Variants in CABYR observed in about 807,000 individuals in gnomAD.
CABYR encodes the protein calcium-binding tyrosine phosphorylation-regulated protein.
Under a neutral mutation model 36.1 loss-of-function variants are expected in CABYR, and 31 were observed. That is an observed-to-expected ratio of 0.86 (90% confidence interval 0.64 to 1.16). The LOEUF is 1.16. CABYR is among the 50% of genes most tolerant of loss of function. CABYR has a pLI of 0.00. For synonymous variants in CABYR, 146 were observed against 160.7 expected (o/e 0.91, Z 0.69); for missense variants, 429 against 455.8 (o/e 0.94, Z 0.53).
chr18:24,161,523 A>G lies in CABYR; in HGVS notation c.*7A>G, dbSNP rs774223134. 1.3e-6 allele frequency: 1 copy of G among 780,694 alleles called. No homozygotes were observed. The highest frequency in any genetic ancestry group is 2.4e-6 in the Non-Finnish European group (1 of 417,986). The allele number at this position is 780,694 out of a possible 1,614,324, so 48.4% of individuals were successfully genotyped here. A position where few individuals can be genotyped will look rare whatever the true frequency, so the allele number is the denominator to read the frequency against. ...TTGCATTATTCCTAACAGATCCAGA[A>G]ATGACGCTGTCTGGGTCAACATTTC... On this transcript the variant is annotated 3_prime_UTR_variant, in exon 6 of 6. Coordinates refer to ENST00000399496, the MANE Select transcript of CABYR (RefSeq NM_153769.3).
chr18:24,151,687 CTTT>C (rs35513415), intron 3 of CABYR, among the ~76,000 whole-genome samples: 4 of 123,936 alleles, frequency 3.2e-5, no homozygotes, highest in Non-Finnish European at 4.8e-5. Flanking sequence ...CTAGTGTTGG[CTTT>C]TTTTTTTTTT....
intron 3 of CABYR, 76 bp downstream of exon 3, chr18:24,143,489 C>T (rs998552118): frequency 2.8e-6 from 2 of 710,790 alleles, no homozygotes; most frequent in Non-Finnish European, 4.4e-6. Context: ...TATATTCAAA[C>T]TTAAGAATGG....
At chr18:24,143,663 G>T (rs1217824972) in intron 3 of CABYR, among the ~76,000 whole-genome samples, 1 of 151,400 alleles carries the variant, frequency 6.6e-6, no homozygotes, top group Admixed American at 6.6e-5. Flanking sequence ...CTCCCAAGTA[G>T]CTTGGACTGC....
At chr18:24,158,683 A>G (rs964902558) in intron 4 of CABYR, among the ~76,000 whole-genome samples, 2 of 152,196 alleles carry the variant, frequency 1.3e-5, no homozygotes, top group Non-Finnish European at 1.5e-5. Flanking sequence ...CCCAGCGTTC[A>G]AAAGGTAAAC....
chr18:24,160,077 C>G lies in CABYR; in HGVS notation c.1139+8C>G, dbSNP rs772646073. On this transcript the variant is annotated splice_region_variant and intron_variant, in intron 5 of 5. Coordinates refer to ENST00000399496, the MANE Select transcript of CABYR (RefSeq NM_153769.3). ...AGCAGAAACTGAAAACTGGTAGGTACACTTTCCTACCATAATATTTAGGCC... is the reference window on the plus strand; with the variant it reads ...AGCAGAAACTGAAAACTGGTAGGTAGACTTTCCTACCATAATATTTAGGCC... 2 of 1,566,476 alleles carry G rather than the reference C, an allele frequency of 1.3e-6. No homozygotes were observed. Among genetic ancestry groups the G allele is most frequent in the Non-Finnish European group, 1.8e-6 (2 of 1,142,324 alleles).
intron 1 of CABYR, among the ~76,000 whole-genome samples, chr18:24,142,804 G>A (rs923140405): frequency 2.6e-5 from 4 of 151,708 alleles, no homozygotes; most frequent in African/African-American, 7.3e-5. Context: ...AGGCCGAGGC[G>A]GGCAGATCAT....
Position 24,143,381 on chromosome 18 carries a change from A to G in CABYR, c.167A>G (p.Lys56Arg). The G allele has an allele frequency of 6.3e-7, 1 of 1,579,510 alleles. No individual in the cohort carries two copies. Residue 56 changes from lysine to arginine, a missense_variant, in exon 3 of 6, where the codon AAA (lysine) becomes AGA (arginine). Physicochemically the swap from Lys to Arg is conservative, Grantham distance 26. Transcript: ENST00000399496. ...TCAGGGAATACTACTATGGATATAA[A>G]AGATCTGGTTAAACAATTTCATCAG... ...MYRGNTTMDI[K>R]DLVKQFHQIK... is the part of the protein sequence containing the mutation.
intron 5 of CABYR, 74 bp downstream of exon 5, chr18:24,160,143 G>A: frequency 9.6e-7 from 1 of 1,036,824 alleles, no homozygotes. Flanking sequence ...TTCTTGACCT[G>A]GAGATTTAGA....
At chr18:24,159,227 A>C (rs2085881151) in intron 4 of CABYR, among the ~76,000 whole-genome samples, 1 of 152,164 alleles carries the variant, frequency 6.6e-6, no homozygotes, top group South Asian at 2.1e-4. Flanking sequence ...TTAGAATAAG[A>C]TTGCTTCTTC....
At chr18:24,150,792 T>G (rs911623067) in intron 3 of CABYR, among the ~76,000 whole-genome samples, 49 of 148,142 alleles carry the variant, frequency 3.3e-4, no homozygotes, top group African/African-American at 5.9e-4. Context: ...TGTTTTTTTT[T>G]TTTTTTGAGA....
chr18:24,139,540 G>C (rs1346904049), intron 1 of CABYR: 1 of 152,338 alleles, frequency 6.6e-6, no homozygotes, highest in African/African-American at 2.4e-5. Context: ...TCTCGCTTAA[G>C]GCGTTACCCT....
intron 3 of CABYR, among the ~76,000 whole-genome samples, chr18:24,151,186 A>T (rs2085622663): frequency 6.6e-6 from 1 of 152,132 alleles, no homozygotes; most frequent in African/African-American, 2.4e-5. Context: ...AAAAAATACC[A>T]TATGCTTGGA....
chr18:24,156,261 G>A, intron 4 of CABYR: 1 of 1,614,078 alleles, frequency 6.2e-7, no homozygotes, highest in Non-Finnish European at 8.5e-7. Flanking sequence ...AGAAAATGAG[G>A]CTGAACCATC....
chr18:24,140,080 C>A (rs929364051), intron 1 of CABYR: 1 of 152,210 alleles, frequency 6.6e-6, no homozygotes, highest in Non-Finnish European at 1.5e-5. Flanking sequence ...CACCCGCCAC[C>A]ACGCCCGGCT....
intron 3 of CABYR, among the ~76,000 whole-genome samples, chr18:24,144,364 G>C (rs1257835126): frequency 6.6e-6 from 1 of 152,214 alleles, no homozygotes; most frequent in Non-Finnish European, 1.5e-5. Flanking sequence ...AGATGCTACA[G>C]AGTACTAAAA....
chr18:24,146,964 A>C (rs1481670717), intron 3 of CABYR, among the ~76,000 whole-genome samples: 1 of 152,186 alleles, frequency 6.6e-6, no homozygotes, highest in African/African-American at 2.4e-5. Flanking sequence ...AACTGAGAAG[A>C]ATGCATTGCC....
chr18:24,142,638 T>TTG (rs200591954), intron 1 of CABYR, among the ~76,000 whole-genome samples: 11 of 118,996 alleles, frequency 9.2e-5, no homozygotes, highest in South Asian at 2.7e-4. Flanking sequence ...GTTAGTAGGG[T>TTG]TGTGTGTTTT....
At chr18:24,151,624 T>C (rs1456099850) in intron 3 of CABYR, among the ~76,000 whole-genome samples, 1 of 151,978 alleles carries the variant, frequency 6.6e-6, no homozygotes, top group Non-Finnish European at 1.5e-5. Flanking sequence ...AACTAGTAAG[T>C]ATATATTTGC....
rs1008932791 is a variant in CABYR, at chr18:24,139,072, G to T, written c.-71G>T. On this transcript the variant is annotated 5_prime_UTR_variant, in exon 1 of 6. Transcript: ENST00000399496. Reference sequence around the variant, plus strand: ...GCGCCAAGTCTCCTCAGGAGCCGCCGGCAAGGGGGCAACGAGGAAGCTCTT... The same window carrying T: ...GCGCCAAGTCTCCTCAGGAGCCGCCTGCAAGGGGGCAACGAGGAAGCTCTT... 4.6e-5 allele frequency: 7 copies of T among 152,236 alleles called. No homozygotes were observed. The highest frequency in any genetic ancestry group is 1.7e-4 in the African/African-American group (7 of 41,468). 9.4% of individuals were successfully genotyped at this position (152,236 alleles called of 1,614,324 possible).
Sources: allele counts gnomAD v4.1 joint callset (sites outside exome capture counted in the v4.1 genomes callset), GRCh38; gene constraint gnomAD v4.1.1; transcripts MANE v1.5; gene names NCBI Gene and HGNC (gene_info 2026-07-23, HGNC 2026-07-21).